RBP2: variants seen among roughly 807,000 people sequenced by gnomAD.
The protein encoded by RBP2 is retinol-binding protein 2.
Under a neutral mutation model 17.0 loss-of-function variants are expected in RBP2, and 17 were observed. The observed-to-expected ratio is 1.00, with a 90% CI of 0.68 to 1.50. RBP2 has a LOEUF of 1.50. Among genes scored for constraint, RBP2 ranks in the 40% most tolerant of loss-of-function variants. RBP2 has a pLI of 0.00. For missense variants in RBP2, 158 were observed against 168.2 expected, an observed-to-expected ratio of 0.94 and a Z score of 0.33; for synonymous variants, 48 against 57.1, an observed-to-expected ratio of 0.84 and a Z score of 0.72.
intron 2 of RBP2, among the ~76,000 whole-genome samples, chr3:139,455,131 T>C (rs1943372678): frequency 6.6e-6 from 1 of 152,126 alleles, no homozygotes. Flanking sequence ...TTTCACTATA[T>C]AACGATGTAA....
rs1943342448 is a variant in RBP2 at position 139,453,240 on chromosome 3, A to T, written c.355-74T>A. 12 of 1,536,384 alleles carry T rather than the reference A, an allele frequency of 7.8e-6. No homozygotes were observed. In the Admixed American group the frequency reaches 2.0e-4, roughly 26 times the overall value. On this transcript the variant is annotated intron_variant, in intron 3 of 3. Transcript: ENST00000232217. ...CTGCCCAGCCCTCAGCCCCCTTGGT[A>T]TCTGGGGGTGGGAGGTTGGAATAAA...
intron 1 of RBP2, among the ~76,000 whole-genome samples, chr3:139,465,831 C>T (rs1222099573): frequency 4.6e-5 from 7 of 152,224 alleles, no homozygotes; most frequent in Non-Finnish European, 8.8e-5. Flanking sequence ...GCTACATTAT[C>T]TGGCAGCTCA....
chr3:139,469,859 A>G (rs1182919566), intron 1 of RBP2, among the ~76,000 whole-genome samples: 1 of 152,002 alleles, frequency 6.6e-6, no homozygotes, highest in Non-Finnish European at 1.5e-5. Context: ...TTTCTTCCCT[A>G]CCTCCATGTT....
At chr3:139,469,687 GTCTA>G (rs543597083) in intron 1 of RBP2, among the ~76,000 whole-genome samples, 13,327 of 132,660 alleles carry the variant, frequency 0.1, 679 homozygotes, top group East Asian at 0.2. Flanking sequence ...CTGTCTGTCT[GTCTA>G]TCTATCTATC....
intron 2 of RBP2, among the ~76,000 whole-genome samples, chr3:139,459,667 C>T (rs1166938887): frequency 1.3e-5 from 2 of 151,582 alleles, no homozygotes; most frequent in Non-Finnish European, 2.9e-5. Context: ...GAGATTTGCC[C>T]ACTGTCTAGC....
intron 1 of RBP2, among the ~76,000 whole-genome samples, chr3:139,467,164 A>G (rs1559807318): frequency 6.6e-6 from 1 of 152,158 alleles, no homozygotes; most frequent in Non-Finnish European, 1.5e-5. Flanking sequence ...AAGAAGTACT[A>G]TGGATTAGCT....
intron 2 of RBP2, among the ~76,000 whole-genome samples, chr3:139,457,551 G>A (rs1481112601): frequency 2.6e-5 from 4 of 152,194 alleles, no homozygotes; most frequent in Middle Eastern, 3.4e-3. Context: ...AAGTAAATTG[G>A]TTACCAATAA....
chr3:139,458,102 G>A (rs890656368), intron 2 of RBP2, among the ~76,000 whole-genome samples: 1 of 152,162 alleles, frequency 6.6e-6, no homozygotes, highest in African/African-American at 2.4e-5. Context: ...AAGCAAAGGG[G>A]CAAAATGTGG....
At chr3:139,464,849 G>GA (rs566605829) in intron 1 of RBP2, among the ~76,000 whole-genome samples, 35 of 152,062 alleles carry the variant, frequency 2.3e-4, no homozygotes, top group African/African-American at 8.4e-4. Flanking sequence ...CTGAAACAAT[G>GA]AAAAAAATGC....
At chr3:139,458,874 G>A (rs1200882006) in intron 2 of RBP2, among the ~76,000 whole-genome samples, 2 of 152,138 alleles carry the variant, frequency 1.3e-5, no homozygotes, top group Non-Finnish European at 2.9e-5. Context: ...GGGGTAGCTT[G>A]TGTAGTTTTG....
At chr3:139,458,080 G>C (rs990528890) in intron 2 of RBP2, among the ~76,000 whole-genome samples, 1 of 152,184 alleles carries the variant, frequency 6.6e-6, no homozygotes, top group Non-Finnish European at 1.5e-5. Flanking sequence ...GAGAAAGCAT[G>C]TGCACATGAC....
intron 1 of RBP2, among the ~76,000 whole-genome samples, chr3:139,474,717 C>T (rs959463679): frequency 8.5e-5 from 13 of 152,188 alleles, no homozygotes; most frequent in African/African-American, 1.7e-4. Context: ...AACTGGTTCA[C>T]GGTCACAGAG....
At chr3:139,453,237 G>T in intron 3 of RBP2, 71 bp from the exon 4 acceptor site, 1 of 1,538,172 alleles carries the variant, frequency 6.5e-7, no homozygotes, top group Non-Finnish European at 9.0e-7. Context: ...CAGCCCCCTT[G>T]GTATCTGGGG....
rs139612068 is a variant in RBP2 at position 139,463,006 on chromosome 3, G to A, written c.74-716C>T. On this transcript the variant is annotated intron_variant, in intron 1 of 3. Transcript: ENST00000232217. Reference sequence around the variant, plus strand: ...ACACCACCATACCCAGCTAATTTTCGTATTTTTTGTAGAGATGGGGTTTCA... The same window carrying A: ...ACACCACCATACCCAGCTAATTTTCATATTTTTTGTAGAGATGGGGTTTCA... Among the ~76,000 whole-genome samples, 112 of 150,152 alleles carry A rather than the reference G, an allele frequency of 7.5e-4. 2 individuals are homozygous for A. In the South Asian group the frequency reaches 7.5e-3, roughly 10 times the overall value.
At chr3:139,468,022 G>C (rs1933422529) in intron 1 of RBP2, among the ~76,000 whole-genome samples, 1 of 152,136 alleles carries the variant, frequency 6.6e-6, no homozygotes, top group South Asian at 2.1e-4. Context: ...CATACTTCTG[G>C]AACAATAGTT....
At chr3:139,467,756 G>T (rs1350715769) in intron 1 of RBP2, among the ~76,000 whole-genome samples, 1 of 152,072 alleles carries the variant, frequency 6.6e-6, no homozygotes, top group African/African-American at 2.4e-5. Flanking sequence ...AAAGTTTTGG[G>T]TCATATTTAT....
intron 1 of RBP2, among the ~76,000 whole-genome samples, chr3:139,472,618 A>G (rs1933604962): frequency 6.6e-6 from 1 of 152,216 alleles, no homozygotes; most frequent in African/African-American, 2.4e-5. Context: ...CAACTGCCAG[A>G]CATGCATATG....
chr3:139,475,566 A>C (rs1933711993), intron 1 of RBP2, among the ~76,000 whole-genome samples: 1 of 152,136 alleles, frequency 6.6e-6, no homozygotes, highest in Admixed American at 6.6e-5. Context: ...AGGAAGTTCC[A>C]GCGAAGTTAC....
chr3:139,469,046 A>C (rs183393245), intron 1 of RBP2, among the ~76,000 whole-genome samples: 7 of 152,332 alleles, frequency 4.6e-5, no homozygotes, highest in African/African-American at 1.7e-4. Flanking sequence ...CTTATGAAAA[A>C]AGCTAAAGTT....
Sources: allele counts gnomAD v4.1 joint callset (sites outside exome capture counted in the v4.1 genomes callset), GRCh38; gene constraint gnomAD v4.1.1; transcripts MANE v1.5; gene names NCBI Gene and HGNC (gene_info 2026-07-23, HGNC 2026-07-21).